SLC49A4: variants seen among roughly 807,000 people sequenced by gnomAD.
SLC49A4 encodes disrupted in renal cancer protein 2.
SLC49A4 carries 36 observed loss-of-function variants against 50.6 expected under a neutral mutation model. The observed-to-expected ratio is 0.71, with a 90% CI of 0.55 to 0.94. SLC49A4 has a LOEUF of 0.94. Ranked by LOEUF, SLC49A4 falls within the 40% of genes least tolerant of loss-of-function variation. SLC49A4 has a pLI of 0.00. For missense variants in SLC49A4, 503 were observed against 605.7 expected (o/e 0.83, Z 1.78); for synonymous variants, 248 against 241.2 (o/e 1.03, Z -0.26).
chr3:122,858,749 G>A (rs1268376155), intron 6 of SLC49A4, among the ~76,000 whole-genome samples: 1 of 152,134 alleles, frequency 6.6e-6, no homozygotes, highest in Non-Finnish European at 1.5e-5. Context: ...TATTTGAGAT[G>A]GGATCAGCTA....
chr3:122,832,498 T>G (rs1053447433), intron 3 of SLC49A4, among the ~76,000 whole-genome samples: 11 of 152,232 alleles, frequency 7.2e-5, no homozygotes, highest in African/African-American at 2.4e-4. Context: ...GGATGCTTTC[T>G]TGTTCAAATT....
chr3:122,834,527 G>A (rs890936998), intron 4 of SLC49A4, among the ~76,000 whole-genome samples: 2 of 152,024 alleles, frequency 1.3e-5, no homozygotes, highest in Non-Finnish European at 2.9e-5. Flanking sequence ...TAATAGTGAT[G>A]TAAGTTATTA....
intron 5 of SLC49A4, among the ~76,000 whole-genome samples, chr3:122,851,376 C>G (rs955406009): frequency 6.6e-6 from 1 of 151,960 alleles, no homozygotes; most frequent in Non-Finnish European, 1.5e-5. Flanking sequence ...TTGTTTTGGT[C>G]TAAAAATGTC....
intron 2 of SLC49A4, among the ~76,000 whole-genome samples, chr3:122,808,350 C>T (rs772820436): frequency 2.6e-5 from 4 of 151,832 alleles, no homozygotes; most frequent in Non-Finnish European, 5.9e-5. Flanking sequence ...TATGAAAAGG[C>T]GAGGAAAGGA....
intron 1 of SLC49A4, among the ~76,000 whole-genome samples, chr3:122,800,048 G>T (rs544139741): frequency 7.7e-4 from 117 of 152,300 alleles, no homozygotes; most frequent in African/African-American, 2.7e-3. Context: ...GGAGAGGCCT[G>T]TGCAGTATAT....
intron 1 of SLC49A4, among the ~76,000 whole-genome samples, chr3:122,800,327 C>T (rs991039867): frequency 6.6e-6 from 1 of 152,052 alleles, no homozygotes; most frequent in Admixed American, 6.6e-5. Context: ...TTTTGGTGTC[C>T]TTTGAAAGAA....
chr3:122,860,739 C>G (rs1345223732), intron 7 of SLC49A4, among the ~76,000 whole-genome samples: 2 of 152,094 alleles, frequency 1.3e-5, no homozygotes, highest in Non-Finnish European at 2.9e-5. Flanking sequence ...TGTTGTTTTT[C>G]TTGTCATTAT....
At chr3:122,808,053 T>A (rs1936248367) in intron 2 of SLC49A4, among the ~76,000 whole-genome samples, 1 of 142,702 alleles carries the variant, frequency 7.0e-6, no homozygotes, top group East Asian at 1.9e-4. Context: ...ATTTATTAGG[T>A]CATTCATTCA....
intron 8 of SLC49A4, among the ~76,000 whole-genome samples, chr3:122,875,307 T>C (rs942722917): frequency 1.3e-5 from 2 of 152,110 alleles, no homozygotes; most frequent in African/African-American, 2.4e-5. Flanking sequence ...AGAAGTTAAT[T>C]ATATGTCAAA....
At chr3:122,840,858 T>G (rs1473672075) in intron 4 of SLC49A4, among the ~76,000 whole-genome samples, 3 of 152,206 alleles carry the variant, frequency 2.0e-5, no homozygotes, top group Non-Finnish European at 2.9e-5. Context: ...AACAGATATT[T>G]GCTATCGTTA....
At chr3:122,805,552 A>G (rs1398154420) in intron 1 of SLC49A4, among the ~76,000 whole-genome samples, 1 of 152,202 alleles carries the variant, frequency 6.6e-6, no homozygotes, top group Non-Finnish European at 1.5e-5. Flanking sequence ...GTTTATGTCT[A>G]TTCTCTGTGT....
chr3:122,867,763 C>T (rs550796586), intron 7 of SLC49A4, among the ~76,000 whole-genome samples: 34 of 152,232 alleles, frequency 2.2e-4, no homozygotes, highest in Admixed American at 8.5e-4. Context: ...AGGCGGATCA[C>T]GAGGTCAGGA....
At chr3:122,842,086 A>G (rs1160092822) in intron 4 of SLC49A4, among the ~76,000 whole-genome samples, 1 of 152,112 alleles carries the variant, frequency 6.6e-6, no homozygotes, top group East Asian at 1.9e-4. Flanking sequence ...CAATAGAGAA[A>G]GGTAGAGAGG....
chr3:122,795,556 A>G (rs1936015800), intron 1 of SLC49A4, 21 bp downstream of exon 1: 1 of 1,572,020 alleles, frequency 6.4e-7, no homozygotes, highest in African/African-American at 1.4e-5. Flanking sequence ...GCGGAGCGCC[A>G]GCCCGCGCTG....
chr3:122,869,953 A>G (rs1937174741), intron 7 of SLC49A4, among the ~76,000 whole-genome samples: 1 of 152,104 alleles, frequency 6.6e-6, no homozygotes, highest in Admixed American at 6.5e-5. Flanking sequence ...AAAATCATTA[A>G]AGTCAAATCT....
At chr3:122,843,730 A>G (rs1174270290) in intron 4 of SLC49A4, among the ~76,000 whole-genome samples, 1 of 152,154 alleles carries the variant, frequency 6.6e-6, no homozygotes, top group Non-Finnish European at 1.5e-5. Flanking sequence ...ATAGTTTGAC[A>G]TGTTCCCCTC....
intron 4 of SLC49A4, among the ~76,000 whole-genome samples, chr3:122,840,284 G>C (rs1252547336): frequency 6.6e-6 from 1 of 152,108 alleles, no homozygotes; most frequent in African/African-American, 2.4e-5. Flanking sequence ...TGGGTACACT[G>C]TACACTACTC....
intron 1 of SLC49A4, among the ~76,000 whole-genome samples, chr3:122,804,367 C>A (rs753870441): frequency 5.9e-5 from 9 of 152,230 alleles, no homozygotes; most frequent in Non-Finnish European, 1.2e-4. Context: ...CCAGGCCCCA[C>A]CTCCAACATT....
intron 1 of SLC49A4, among the ~76,000 whole-genome samples, chr3:122,798,565 A>G (rs867492795): frequency 2.7e-5 from 4 of 150,694 alleles, no homozygotes; most frequent in Middle Eastern, 3.5e-3. Context: ...TTCCTGCTAC[A>G]GGTGTTCCAT....
Sources: allele counts gnomAD v4.1 joint callset (sites outside exome capture counted in the v4.1 genomes callset), GRCh38; gene constraint gnomAD v4.1.1; transcripts MANE v1.5; gene names NCBI Gene and HGNC (gene_info 2026-07-23, HGNC 2026-07-21).